GGT1: variants seen among roughly 807,000 people sequenced by gnomAD.
GGT1 encodes glutathione hydrolase 1 proenzyme.
A neutral mutation model predicts 56.0 loss-of-function variants in GGT1; 21 were observed. The ratio of observed to expected loss-of-function variants is 0.38; its 90% CI spans 0.27 to 0.54. GGT1 has a LOEUF of 0.54. Among genes scored for constraint, GGT1 ranks in the 20% least tolerant of loss-of-function variants. GGT1 has a pLI of 0.82. For missense variants in GGT1, 466 were observed against 787.0 expected (o/e 0.59, Z 4.88); for synonymous variants, 238 against 342.6 (o/e 0.69, Z 3.37).
chr22:24,626,641 C>T (rs1431628601), intron 11 of GGT1, among the ~76,000 whole-genome samples: 1 of 151,584 alleles, frequency 6.6e-6, no homozygotes, highest in Non-Finnish European at 1.5e-5. Context: ...TCTCTTTCTC[C>T]CACCCAGGCC....
intron 11 of GGT1, among the ~76,000 whole-genome samples, chr22:24,625,870 A>G (rs1031678483): frequency 2.0e-5 from 3 of 149,756 alleles, no homozygotes; most frequent in Non-Finnish European, 4.4e-5. Context: ...AGTCTTGGAA[A>G]ATGTCCCACA....
At chr22:24,598,276 A>G (rs1429424169), upstream of GGT1, 2 of 151,984 alleles carry the variant, frequency 1.3e-5, no homozygotes, top group Non-Finnish European at 2.9e-5. Flanking sequence ...CATCTCTACT[A>G]AAAGTACAAA....
At chr22:24,595,709 C>T (rs918476214) in intron 1 of GGT1, among the ~76,000 whole-genome samples, 2 of 152,186 alleles carry the variant, frequency 1.3e-5, no homozygotes, top group African/African-American at 4.8e-5. Context: ...ACAGCCACAC[C>T]TTTGGAGTCT....
chr22:24,624,652 G>C (rs1045884787), intron 11 of GGT1: 71 of 977,816 alleles, frequency 7.3e-5, no homozygotes, highest in Non-Finnish European at 8.5e-5. Context: ...TTTTGGCTAA[G>C]GCCAGCTCCT....
chr22:24,588,954 G>T, the GGT1 span: 17 of 1,007,432 alleles, frequency 1.7e-5, no homozygotes, highest in Non-Finnish European at 2.0e-5. Flanking sequence ...CTGGCACTGA[G>T]CATGCTCCAC....
At chr22:24,588,618 G>A in the GGT1 span, 1 of 1,057,530 alleles carries the variant, frequency 9.5e-7, no homozygotes, top group Non-Finnish European at 1.2e-6. Context: ...CGGGCCCAGG[G>A]CCAGCGTCTC....
upstream of GGT1, among the ~76,000 whole-genome samples, chr22:24,601,945 T>C (rs2045789587): frequency 6.6e-6 from 1 of 152,186 alleles, no homozygotes; most frequent in African/African-American, 2.4e-5. Flanking sequence ...CTCCTGTAAC[T>C]GGCCAAGGAG....
rs2047579039 is a variant in GGT1, at chr22:24,623,793, C to T, written c.897C>T (p.Ser299=). The T allele has an allele frequency of 1.9e-6, 3 of 1,611,748 alleles. No homozygotes were observed. The highest frequency in any genetic ancestry group is 2.7e-5 in the African/African-American group (2 of 74,788). Residue 299 remains serine (S), a synonymous_variant, in exon 11 of 16, where the codon TCC becomes TCT. Transcript: ENST00000400382. The stretch of plus-strand genomic sequence containing the variant: ...CTGATCAACCAGGGTACAACTTCTC[C>T]CGGGAGAGCGTGGAGAGCCCCGAGC... The part of the protein sequence containing the change: ...ILNILKGYNF[S]RESVESPEQK...
chr22:24,592,768 C>T, upstream of GGT1: 1 of 1,288,912 alleles, frequency 7.8e-7, no homozygotes, highest in Non-Finnish European at 9.9e-7. Flanking sequence ...CCGGCGGATA[C>T]AGGCCCACAA....
chr22:24,615,371 A>G (rs1176624066), intron 7 of GGT1, among the ~76,000 whole-genome samples: 1 of 152,124 alleles, frequency 6.6e-6, no homozygotes, highest in East Asian at 1.9e-4. Flanking sequence ...GCACATGGAG[A>G]GAATAATTAT....
In GGT1 at chr22:24,628,987, C is replaced by A; in HGVS notation, c.*148C>A. Reference sequence around the variant, plus strand: ...CTGTGCCAGGCTCCAGGTGGCCTCCCTGGCCTGTCTCCCCACTCTCTGGGC... The same window carrying A: ...CTGTGCCAGGCTCCAGGTGGCCTCCATGGCCTGTCTCCCCACTCTCTGGGC... On this transcript the variant is annotated 3_prime_UTR_variant, in exon 16 of 16. Coordinates refer to ENST00000400382, the MANE Select transcript of GGT1 (RefSeq NM_001288833.2). This position sits in a 1 kb window ranked among gnomAD's most constrained non-coding sequence, Gnocchi z 5.7. The A allele has an allele frequency of 9.0e-7, 1 of 1,111,078 alleles. No individual in the cohort carries two copies. 68.8% of individuals were successfully genotyped at this position (1,111,078 alleles called of 1,614,324 possible). A position where few individuals can be genotyped will look rare whatever the true frequency, so the allele number is the denominator to read the frequency against.
Position 24,597,200 on chromosome 22 carries a change from C to G in GGT1, c.-324+2314C>G, listed in dbSNP as rs544739483. The stretch of plus-strand genomic sequence containing the variant: ...GTTTCACCATATTGGTCAGGCTGGT[C>G]TTGAACTCCTGACCTCAGGTGATCC... On this transcript the variant is annotated intron_variant, in intron 1 of 6. Transcript: ENST00000411974. Among the ~76,000 whole-genome samples, 10 of 152,104 alleles carry G rather than the reference C, an allele frequency of 6.6e-5. No homozygotes were observed. The East Asian group carries it at 1.9e-3, about 30-fold the overall frequency.
In GGT1 at chr22:24,607,543, G is replaced by A. The variant is rs538297716; in HGVS notation, c.-428-411G>A. On this transcript the variant is annotated intron_variant, in intron 1 of 15. Transcript: ENST00000400382. ...CCCTCCCAGGGCTGCGTGAACTTTA[G>A]TCACGTGGTGACAGGCCGAGTCACC... 5 of 154,836 alleles carry A rather than the reference G, an allele frequency of 3.2e-5. No homozygotes were observed. The East Asian group carries it at 5.8e-4, about 18-fold the overall frequency. The allele number at this position is 154,836 out of a possible 1,614,324, so 9.6% of individuals were successfully genotyped here.
chr22:24,618,138 G>C (rs2047185683), intron 7 of GGT1, among the ~76,000 whole-genome samples: 1 of 152,154 alleles, frequency 6.6e-6, no homozygotes, highest in African/African-American at 2.4e-5. Flanking sequence ...TACATGCATA[G>C]AGTGTATAAT....
At chr22:24,607,823 G>A (rs571683481) in intron 1 of GGT1, 131 bp from the exon 2 acceptor site, 29 of 326,094 alleles carry the variant, frequency 8.9e-5, no homozygotes, top group African/African-American at 3.8e-4. Context: ...GTCCCAATTC[G>A]GAGGCCCCCT....
At chr22:24,619,136 G>A (rs1362032021) in intron 7 of GGT1, among the ~76,000 whole-genome samples, 3 of 152,112 alleles carry the variant, frequency 2.0e-5, no homozygotes, top group East Asian at 3.9e-4. Context: ...GGTGGCTCAC[G>A]CCTGTAATCC....
At chr22:24,612,587 C>T (rs1007651102) in intron 5 of GGT1, among the ~76,000 whole-genome samples, 8 of 151,444 alleles carry the variant, frequency 5.3e-5, no homozygotes, top group African/African-American at 1.5e-4. Context: ...AGTGCAGTGG[C>T]GCAATCTCGG....
At chr22:24,611,338 G>C (rs4049874) in intron 5 of GGT1, 93 bp downstream of exon 5, 1 of 814,130 alleles carries the variant, frequency 1.2e-6, no homozygotes, top group Non-Finnish European at 2.1e-6. Flanking sequence ...GTTTCCCCAT[G>C]TGTAAGCTTC....
In GGT1 at chr22:24,608,039, T is replaced by C. The variant is rs556008730; in HGVS notation, c.-359+16T>C. ...CAGGCCTCAGGTAAGCCCATCAGGGTCCCAAGGAAGGGGGTCTGGGTTTGA... is the reference window on the plus strand; with the variant it reads ...CAGGCCTCAGGTAAGCCCATCAGGGCCCCAAGGAAGGGGGTCTGGGTTTGA... On this transcript the variant is annotated intron_variant, in intron 2 of 15. Transcript: ENST00000400382. The C allele has an allele frequency of 5.3e-4, 247 of 467,788 alleles. No individual in the cohort carries two copies. The highest frequency in any genetic ancestry group is 4.5e-3 in the African/African-American group (225 of 50,030). The allele number at this position is 467,788 out of a possible 1,614,324, so 29.0% of individuals were successfully genotyped here.
Sources: gnomAD v4.1 joint callset for allele counts (sites outside exome capture counted in the v4.1 genomes callset) on GRCh38, gnomAD v4.1.1 for gene constraint, Gnocchi (gnomAD v3.1) non-coding constraint, MANE v1.5 for transcripts, NCBI Gene and HGNC (gene_info 2026-07-23, HGNC 2026-07-21) for gene names.